Variants in COPB2 observed in about 807,000 individuals in gnomAD.
The protein encoded by COPB2 is coat protein complex I subunit beta 2.
In COPB2, 16 loss-of-function variants were observed where a neutral mutation model predicts 120.8. That is an observed-to-expected ratio of 0.13 (90% CI 0.09 to 0.20). The LOEUF (loss-of-function observed/expected upper bound fraction) is 0.20, where lower values mean the gene tolerates loss of function less well. Ranked by LOEUF, COPB2 falls within the 10% of genes least tolerant of loss-of-function variation. The pLI is 1.00. For missense variants in COPB2, 794 were observed against 1,076.5 expected (o/e 0.74, Z 3.67); for synonymous variants, 332 against 366.3 (o/e 0.91, Z 1.07).
chr3:139,378,023 A>G lies in COPB2; in HGVS notation c.504+18T>C. 6.6e-7 allele frequency: 1 copy of G among 1,508,910 alleles called. No individual in the cohort carries two copies. Among genetic ancestry groups the G allele is most frequent in the South Asian group, 1.3e-5 (1 of 75,044 alleles). The allele number at this position is 1,508,910 out of a possible 1,614,324, so 93.5% of individuals were successfully genotyped here. ...GTTCACTAATAATGATAACTGACAC[A>G]AAATGTGGATGCCCTACCTTGATAG... On this transcript the variant is annotated intron_variant, in intron 5 of 21. Transcript: ENST00000333188.
intron 2 of COPB2, chr3:139,382,158 A>C (rs1342257141): frequency 6.6e-6 from 1 of 152,206 alleles, no homozygotes; most frequent in Non-Finnish European, 1.5e-5. Context: ...TCCCCACCCA[A>C]ATCTCATGTC....
chr3:139,388,221 G>C (rs546225143), intron 1 of COPB2: 23 of 152,228 alleles, frequency 1.5e-4, no homozygotes, highest in African/African-American at 5.1e-4. Flanking sequence ...CTAATTAAGA[G>C]GCTTGAGGTC....
intron 15 of COPB2, among the ~76,000 whole-genome samples, chr3:139,365,967 A>T (rs752329150): frequency 1.3e-5 from 2 of 152,210 alleles, no homozygotes; most frequent in Non-Finnish European, 2.9e-5. Context: ...GAATGAAAGA[A>T]GGCGAAATTC....
At chr3:139,386,485 G>A (rs1456149637) in intron 1 of COPB2, among the ~76,000 whole-genome samples, 1 of 151,986 alleles carries the variant, frequency 6.6e-6, no homozygotes, top group Non-Finnish European at 1.5e-5. Context: ...CTCCTCTCCT[G>A]ACCTTGTGAT....
intron 1 of COPB2, among the ~76,000 whole-genome samples, chr3:139,388,657 T>C (rs1357989740): frequency 6.7e-6 from 1 of 149,806 alleles, no homozygotes; most frequent in Non-Finnish European, 1.5e-5. Context: ...AGACGGAGTC[T>C]TGCTCTGTCC....
At chr3:139,365,591 A>G (rs1224520848) in intron 15 of COPB2, among the ~76,000 whole-genome samples, 2 of 152,190 alleles carry the variant, frequency 1.3e-5, no homozygotes, top group Non-Finnish European at 2.9e-5. Flanking sequence ...ACAGGACAGA[A>G]GCAAAGGAAG....
At chr3:139,367,326 G>A (rs928797110) in intron 13 of COPB2, among the ~76,000 whole-genome samples, 181 bp from the exon 14 acceptor site, 3 of 143,710 alleles carry the variant, frequency 2.1e-5, no homozygotes, top group African/African-American at 7.8e-5. Context: ...AGTCTCTGTT[G>A]CCCAGGCTGT....
chr3:139,373,943 A>G (rs1941671044), intron 7 of COPB2, 135 bp from the exon 8 acceptor site: 2 of 954,474 alleles, frequency 2.1e-6, no homozygotes, highest in Non-Finnish European at 3.0e-6. Context: ...CAATTTTTTG[A>G]CCTACTGTCT....
chr3:139,380,263 C>G (rs1346337675), intron 2 of COPB2: 1 of 152,162 alleles, frequency 6.6e-6, no homozygotes, highest in African/African-American at 2.4e-5. Context: ...CCACCCGTCT[C>G]AGCCTCCCAA....
chr3:139,382,053 C>A (rs1047670740), intron 2 of COPB2: 1 of 152,068 alleles, frequency 6.6e-6, no homozygotes, highest in African/African-American at 2.4e-5. Flanking sequence ...TTACTATGTG[C>A]CAGGTAATGT....
At position 139,359,325 on chromosome 3, in the gene COPB2, G is replaced by C; in HGVS notation, c.2248C>G (p.Arg750Gly). ...ACLELLIRTG[R>G]LPEAAFLART... Reference sequence around the variant, plus strand: ...GCCAAGAAGGCAGCTTCTGGCAGCCGTCCAGTTCTAATTAAGAGCTCTAGG... The same window carrying C: ...GCCAAGAAGGCAGCTTCTGGCAGCCCTCCAGTTCTAATTAAGAGCTCTAGG... Residue 750 changes from arginine to glycine, a missense_variant, in exon 18 of 22, where the codon CGG becomes GGG. Physicochemically the swap from Arg to Gly is moderately radical, Grantham distance 125. Around this residue, in one of 3 missense-constraint regions of COPB2, gnomAD observed 178 missense variants for 183.2 expected, o/e 0.97. Transcript: ENST00000333188. 2 of 1,614,150 alleles carry C rather than the reference G, an allele frequency of 1.2e-6. No individual in the cohort carries two copies. The highest frequency in any genetic ancestry group is 1.7e-6 in the Non-Finnish European group (2 of 1,180,012).
intron 1 of COPB2, 176 bp downstream of exon 1, chr3:139,389,372 C>G (rs1187978032): frequency 9.4e-7 from 1 of 1,065,648 alleles, no homozygotes; most frequent in Non-Finnish European, 1.2e-6. Context: ...CCCCGGTCCC[C>G]TAGGCCCCAC....
intron 15 of COPB2, among the ~76,000 whole-genome samples, chr3:139,363,819 C>T (rs1444616675): frequency 2.6e-5 from 4 of 152,132 alleles, no homozygotes; most frequent in African/African-American, 9.7e-5. Flanking sequence ...CAACCCGCCC[C>T]GATCCATCCA....
At chr3:139,367,213 A>G in intron 13 of COPB2, 68 bp from the exon 14 acceptor site, 5 of 1,551,594 alleles carry the variant, frequency 3.2e-6, no homozygotes, top group Non-Finnish European at 3.5e-6. Flanking sequence ...AAAGCTGAAT[A>G]TATCTGAGGG....
chr3:139,358,187 A>G lies in COPB2; in HGVS notation c.2625+13T>C. ...TGGGGTAGAGGGAGGTTTGAGTATG[A>G]TGTCTGACCTACCTTTTCTTCTTTG... On this transcript the variant is annotated intron_variant, in intron 21 of 21. Transcript: ENST00000333188. 1 of 1,612,046 alleles carries G rather than the reference A, an allele frequency of 6.2e-7. No individual in the cohort carries two copies. Among genetic ancestry groups the G allele is most frequent in the Non-Finnish European group, 8.5e-7 (1 of 1,178,068 alleles).
At chr3:139,374,046 G>T (rs1457522161) in intron 7 of COPB2, among the ~76,000 whole-genome samples, 1 of 152,062 alleles carries the variant, frequency 6.6e-6, no homozygotes, top group Non-Finnish European at 1.5e-5. Context: ...ATAATAACAG[G>T]ATTTCCTGGG....
Position 139,361,149 on chromosome 3 carries a change from CTTG to C in COPB2, c.2139_2141del (p.Asn713del), listed in dbSNP as rs1560012658. 1 of 1,614,248 alleles carries C rather than the reference CTTG, an allele frequency of 6.2e-7. No individual in the cohort carries two copies. Among genetic ancestry groups the C allele is most frequent in the East Asian group, 2.2e-5 (1 of 44,886 alleles). On this transcript the variant is annotated inframe_deletion, in exon 17 of 22. Transcript: ENST00000333188. ...CATCTCTCTCCGCACCCTCTGCTAGCTTGTTCACCATATTAGCATTTCCAGAGG... is the reference window on the plus strand; with the variant it reads ...CATCTCTCTCCGCACCCTCTGCTAGCTTCACCATATTAGCATTTCCAGAGG...
chr3:139,375,747 C>T, intron 5 of COPB2, 133 bp from the exon 6 acceptor site: 2 of 1,154,188 alleles, frequency 1.7e-6, no homozygotes, highest in Non-Finnish European at 2.3e-6. Context: ...TATTTTTTAT[C>T]CTGTTTGGTT....
chr3:139,379,300 G>C (rs1941767236), intron 3 of COPB2, 80 bp downstream of exon 3: 3 of 1,564,300 alleles, frequency 1.9e-6, no homozygotes, highest in Non-Finnish European at 2.6e-6. Context: ...AACAAATCGG[G>C]AATCAAAATC....
Sources: gnomAD v4.1 joint callset for allele counts (sites outside exome capture counted in the v4.1 genomes callset) on GRCh38, gnomAD v4.1.1 for gene constraint, gnomAD v4.1.1 regional missense constraint, MANE v1.5 for transcripts, NCBI Gene and HGNC (gene_info 2026-07-23, HGNC 2026-07-21) for gene names.